The following THAP12 variants were observed in gnomAD, a reference collection of about 807,000 sequenced individuals.
The protein encoded by THAP12 is THAP domain containing 12.
A neutral mutation model predicts 63.0 loss-of-function variants in THAP12; 20 were observed. The observed-to-expected ratio is 0.32, with a 90% confidence interval of 0.22 to 0.46. The LOEUF is 0.46. Among genes scored for constraint, THAP12 ranks in the 20% least tolerant of loss-of-function variants. The pLI is 1.00. For synonymous variants in THAP12, 264 were observed against 328.4 expected (o/e 0.80, Z 2.12); for missense variants, 568 against 908.2 (o/e 0.63, Z 4.81).
At chr11:76,375,030 T>C (rs1352966471) in intron 1 of THAP12, among the ~76,000 whole-genome samples, 1 of 152,236 alleles carries the variant, frequency 6.6e-6, no homozygotes, top group African/African-American at 2.4e-5. Context: ...GAGAAATAAA[T>C]TTCTGTTGTT....
In THAP12 at chr11:76,351,344, A is replaced by G. The variant is rs771295306; in HGVS notation, c.1806T>C (p.Leu602=). ...CTGAGGGTACCAGAGATAAGCATTT[A>G]AGAGCTTTGAGGTGCTGTTCTGAGA... The part of the protein sequence containing the change: ...DIFSEQHLKA[L]KCLSLVPSVM... Residue 602 remains leucine (L), a synonymous_variant, in exon 5 of 5, where the codon CTT becomes CTC. Coordinates refer to ENST00000260045, the MANE Select transcript of THAP12 (RefSeq NM_004705.4). 3.5e-5 allele frequency: 55 copies of G among 1,594,176 alleles called. No individual in the cohort carries two copies. Among genetic ancestry groups the G allele is most frequent in the Non-Finnish European group, 4.3e-5 (50 of 1,166,284 alleles).
intron 3 of THAP12, chr11:76,359,259 T>G (rs1230201586): frequency 6.6e-6 from 1 of 152,208 alleles, no homozygotes; most frequent in Non-Finnish European, 1.5e-5. Flanking sequence ...CTAAAAGTAT[T>G]CTAATATTCT....
At chr11:76,366,494 AC>A (rs1946631881) in intron 1 of THAP12, among the ~76,000 whole-genome samples, 3 of 152,220 alleles carry the variant, frequency 2.0e-5, no homozygotes, top group Non-Finnish European at 2.9e-5. Flanking sequence ...ATCCTGGCTA[AC>A]CCGGTGAAAC....
At chr11:76,370,197 C>T (rs947113428) in intron 1 of THAP12, among the ~76,000 whole-genome samples, 2 of 152,138 alleles carry the variant, frequency 1.3e-5, no homozygotes, top group Non-Finnish European at 2.9e-5. Context: ...GTGGCTACCA[C>T]TGGGGAGAAT....
chr11:76,365,825 G>C (rs774562908), intron 2 of THAP12, 27 bp downstream of exon 2: 3 of 1,603,298 alleles, frequency 1.9e-6, no homozygotes, highest in South Asian at 1.1e-5. Context: ...GTCAAACAGA[G>C]AGACACCAAG....
chr11:76,376,418 A>G (rs1001451236), intron 1 of THAP12, among the ~76,000 whole-genome samples: 7 of 152,198 alleles, frequency 4.6e-5, no homozygotes, highest in Admixed American at 3.3e-4. Context: ...GGCCTCAATT[A>G]CAGGAGGCAG....
At chr11:76,358,149 T>C (rs764907543) in intron 3 of THAP12, 5 of 151,418 alleles carry the variant, frequency 3.3e-5, no homozygotes, top group Non-Finnish European at 7.4e-5. Context: ...AGTTCTACCT[T>C]ACTTTCAAGA....
chr11:76,374,386 CAAA>C (rs34052754), intron 1 of THAP12, among the ~76,000 whole-genome samples: 59 of 138,738 alleles, frequency 4.3e-4, no homozygotes, highest in Admixed American at 6.7e-4. Flanking sequence ...ATTCATTATA[CAAA>C]AAAAAAAAAA....
intron 1 of THAP12, among the ~76,000 whole-genome samples, chr11:76,366,799 G>A (rs1393982584): frequency 2.6e-5 from 4 of 151,818 alleles, no homozygotes; most frequent in Admixed American, 6.6e-5. Flanking sequence ...ACAGTAATAC[G>A]TGCTGACTAG....
chr11:76,350,098 A>C lies in THAP12; in HGVS notation c.*766T>G, dbSNP rs1946514401. 6.5e-6 allele frequency: 1 copy of C among 152,770 alleles called. No individual in the cohort carries two copies. The highest frequency in any genetic ancestry group is 1.5e-5 in the Non-Finnish European group (1 of 68,028). The allele number at this position is 152,770 out of a possible 1,614,324, so 9.5% of individuals were successfully genotyped here. ...TGTAGGTTTTCCAGGTTTTGCTTAT[A>C]AATCAAGATGAGGCAGTATATAAGA... On this transcript the variant is annotated 3_prime_UTR_variant, in exon 5 of 5. Transcript: ENST00000260045.
At chr11:76,366,424 G>C (rs1261535815) in intron 1 of THAP12, among the ~76,000 whole-genome samples, 3 of 152,246 alleles carry the variant, frequency 2.0e-5, no homozygotes, top group African/African-American at 7.2e-5. Flanking sequence ...TGTCACGCCT[G>C]TAATCCCAGC....
chr11:76,367,098 C>CA (rs1374745204), intron 1 of THAP12, among the ~76,000 whole-genome samples: 1 of 148,692 alleles, frequency 6.7e-6, no homozygotes, highest in Non-Finnish European at 1.5e-5. Flanking sequence ...TTTTTTGAGA[C>CA]AGAGTTTTGC....
intron 1 of THAP12, among the ~76,000 whole-genome samples, chr11:76,367,864 T>C (rs1358224394): frequency 6.6e-6 from 1 of 152,240 alleles, no homozygotes; most frequent in Non-Finnish European, 1.5e-5. Context: ...TGCTATGATT[T>C]TTAAAAAACT....
chr11:76,359,820 G>C (rs1590801651), intron 3 of THAP12, among the ~76,000 whole-genome samples: 2 of 148,546 alleles, frequency 1.3e-5, no homozygotes, highest in South Asian at 4.2e-4. Context: ...GTGAGACTCT[G>C]TCTCGGGGGG....
intron 1 of THAP12, among the ~76,000 whole-genome samples, chr11:76,369,807 G>A (rs970269338): frequency 3.3e-5 from 5 of 152,362 alleles, no homozygotes; most frequent in East Asian, 1.9e-4. Flanking sequence ...GGGGAAAAAC[G>A]GGCTCTGGGT....
chr11:76,366,644 G>A (rs1946633490), intron 1 of THAP12, among the ~76,000 whole-genome samples: 1 of 151,236 alleles, frequency 6.6e-6, no homozygotes, highest in Non-Finnish European at 1.5e-5. Context: ...TTGCGCCACT[G>A]CACTCCAGCC....
chr11:76,380,066 T>C (rs1168250419), intron 1 of THAP12, among the ~76,000 whole-genome samples: 2 of 152,188 alleles, frequency 1.3e-5, no homozygotes, highest in African/African-American at 4.8e-5. Flanking sequence ...TCTCAGCCTT[T>C]CAAACACAGT....
In THAP12 at chr11:76,352,665, T is replaced by C. The variant is rs1256455251; in HGVS notation, c.485A>G (p.Asn162Ser). Reference sequence around the variant, plus strand: ...AAATAGAGATTTTAGGTATTCTTTGTTTTCCTTCTCTTCAAGGGTTAGAGG... The same window carrying C: ...AAATAGAGATTTTAGGTATTCTTTGCTTTCCTTCTCTTCAAGGGTTAGAGG... ...ILPLTLEEKE[N>S]KEYLKSLFEI... Residue 162 changes from asparagine (N) to serine (S), a missense_variant, in exon 5 of 5, where the codon AAC becomes AGC. Transcript: ENST00000260045. The C allele has an allele frequency of 3.1e-6, 5 of 1,612,286 alleles. No homozygotes were observed. Among genetic ancestry groups the C allele is most frequent in the Admixed American group, 1.7e-5 (1 of 59,996 alleles).
At chr11:76,352,862 T>C (rs1176031394) in intron 4 of THAP12, 68 bp from the exon 5 acceptor site, 4 of 1,455,014 alleles carry the variant, frequency 2.7e-6, no homozygotes, top group Non-Finnish European at 3.6e-6. Context: ...AAATATTACA[T>C]CTTTGGTTAA....
Sources: allele counts gnomAD v4.1 joint callset (sites outside exome capture counted in the v4.1 genomes callset), GRCh38; gene constraint gnomAD v4.1.1; transcripts MANE v1.5; gene names NCBI Gene and HGNC (gene_info 2026-07-23, HGNC 2026-07-21).